The following JARID2 variants were observed in gnomAD, a reference collection of about 807,000 sequenced individuals.
The protein encoded by JARID2 is protein Jumonji.
Under a neutral mutation model 125.6 loss-of-function variants are expected in JARID2, and 21 were observed. That is an observed-to-expected ratio of 0.17 (90% CI 0.12 to 0.24). The LOEUF is 0.24. JARID2 is among the 10% of genes least tolerant of loss of function. JARID2 has a pLI of 1.00. For missense variants in JARID2, 1,303 were observed against 1,639.6 expected, an observed-to-expected ratio of 0.79 and a Z score of 3.55; for synonymous variants, 736 against 661.6, an observed-to-expected ratio of 1.11 and a Z score of -1.73.
intron 6 of JARID2, among the ~76,000 whole-genome samples, chr6:15,489,827 GGT>G (rs1175168218): frequency 6.6e-6 from 1 of 152,184 alleles, no homozygotes; most frequent in Non-Finnish European, 1.5e-5. Flanking sequence ...GCATCCTGCA[GGT>G]GTTGACGGGG....
intron 1 of JARID2, chr6:15,315,174 G>A (rs952403122): frequency 1.3e-5 from 2 of 152,204 alleles, no homozygotes; most frequent in African/African-American, 2.4e-5. Context: ...AAAAGGAAAC[G>A]GAAGAGCAAC....
intron 1 of JARID2, among the ~76,000 whole-genome samples, chr6:15,274,019 C>T (rs1760399677): frequency 6.6e-6 from 1 of 151,974 alleles, no homozygotes; most frequent in Non-Finnish European, 1.5e-5. Flanking sequence ...GCCTCTGCCT[C>T]CCGGGTTCAA....
At chr6:15,332,230 C>G (rs1762734079) in intron 1 of JARID2, among the ~76,000 whole-genome samples, 1 of 152,180 alleles carries the variant, frequency 6.6e-6, no homozygotes. Flanking sequence ...CAGGGCATGT[C>G]AAATGGTTCT....
At position 15,501,180 on chromosome 6, in the gene JARID2, A is replaced by G; in HGVS notation, c.2219A>G (p.His740Arg). Residue 740 changes from histidine to arginine, a missense_variant, in exon 8 of 18, where the codon CAC becomes CGC. Physicochemically the swap from His to Arg is conservative, Grantham distance 29. Coordinates refer to ENST00000341776, the MANE Select transcript of JARID2 (RefSeq NM_004973.4). ...AAGCGCAAGGGGCCGCTGGAAGGCC[A>G]CACAGAGAACGACCACCACAAGTTC... is the stretch of plus-strand genomic sequence containing the variant. ...LEKRKGPLEG[H>R]TENDHHKFHP... The G allele has an allele frequency of 2.5e-6, 4 of 1,614,128 alleles. No homozygotes were observed. Among genetic ancestry groups the G allele is most frequent in the South Asian group, 1.1e-5 (1 of 91,084 alleles).
At chr6:15,438,821 G>T (rs748392107) in intron 3 of JARID2, among the ~76,000 whole-genome samples, 2 of 152,172 alleles carry the variant, frequency 1.3e-5, no homozygotes, top group African/African-American at 4.8e-5. Context: ...CTGAGGTCAG[G>T]AGTAAGAGAC....
intron 6 of JARID2, among the ~76,000 whole-genome samples, chr6:15,495,319 G>A (rs1236873038): frequency 3.3e-5 from 5 of 152,186 alleles, no homozygotes; most frequent in Non-Finnish European, 7.3e-5. Context: ...GAACCTGATG[G>A]GAAAGTTTGT....
chr6:15,430,332 C>T (rs1200543252), intron 3 of JARID2, among the ~76,000 whole-genome samples: 3 of 152,118 alleles, frequency 2.0e-5, no homozygotes, highest in Non-Finnish European at 4.4e-5. Flanking sequence ...CAAGTATGTA[C>T]AATTGACCTC....
chr6:15,433,444 GTGTGTGTA>G (rs1185716688), intron 3 of JARID2, among the ~76,000 whole-genome samples: 24 of 141,558 alleles, frequency 1.7e-4, no homozygotes, highest in African/African-American at 4.3e-4. Context: ...GTGTGTGTGT[GTGTGTGTA>G]TAATTTCAGT....
chr6:15,308,458 A>C (rs956559769), intron 1 of JARID2, among the ~76,000 whole-genome samples: 2 of 152,162 alleles, frequency 1.3e-5, no homozygotes, highest in Non-Finnish European at 2.9e-5. Context: ...CAGAAGCCTA[A>C]ATGTAATGCT....
chr6:15,374,731 T>G (rs2072819), intron 2 of JARID2, among the ~76,000 whole-genome samples: 1 of 151,994 alleles, frequency 6.6e-6, no homozygotes, highest in Non-Finnish European at 1.5e-5. Flanking sequence ...AGAAGTGTGC[T>G]TCTTCCTGGA....
intron 1 of JARID2, among the ~76,000 whole-genome samples, chr6:15,343,184 G>C (rs1030269962): frequency 7.2e-6 from 1 of 139,226 alleles, no homozygotes; most frequent in Non-Finnish European, 1.5e-5. Context: ...AGCCGAGATC[G>C]TGCCATTGCA....
chr6:15,368,639 A>T, intron 1 of JARID2: 1 of 462,918 alleles, frequency 2.2e-6, no homozygotes, highest in Admixed American at 2.3e-5. Context: ...GGAATGATTA[A>T]AGGAACTAGC....
chr6:15,508,209 C>G (rs776524374), intron 11 of JARID2, 131 bp from the exon 12 acceptor site: 2 of 636,012 alleles, frequency 3.1e-6, no homozygotes, highest in Non-Finnish European at 5.8e-6. Context: ...TGCTCACTGT[C>G]TTTTGTCTGG....
At chr6:15,484,927 A>T (rs1769795634) in intron 5 of JARID2, among the ~76,000 whole-genome samples, 1 of 152,232 alleles carries the variant, frequency 6.6e-6, no homozygotes. Context: ...TGAACAGTCA[A>T]GAATTGCCTA....
chr6:15,386,326 G>C (rs1244137110), intron 2 of JARID2, among the ~76,000 whole-genome samples: 38 of 149,626 alleles, frequency 2.5e-4, no homozygotes, highest in Non-Finnish European at 1.0e-4. Flanking sequence ...GTGTGTATGT[G>C]TGTGTTTAAA....
intron 1 of JARID2, among the ~76,000 whole-genome samples, chr6:15,261,308 CTTCTTTTTTTTT>C (rs1379083563): frequency 4.2e-5 from 5 of 119,014 alleles, no homozygotes; most frequent in South Asian, 2.8e-4. Context: ...TTTTCTTCTT[CTTCTTTTTTTTT>C]TTTTTTTTTT....
rs550286795 is a variant in JARID2, at chr6:15,392,963, G to A, written c.182-17261G>A. On this transcript the variant is annotated intron_variant, in intron 2 of 17. Coordinates refer to ENST00000341776, the MANE Select transcript of JARID2 (RefSeq NM_004973.4). The stretch of plus-strand genomic sequence containing the variant: ...GCCTCCCAAAGTGCTGGGATTGTAG[G>A]CGTGAGCCACCATGCCTGGCCAAGA... 2.0e-5 allele frequency among the ~76,000 whole-genome samples: 3 copies of A among 152,256 alleles called. No individual in the cohort carries two copies. In the South Asian group the frequency reaches 6.2e-4, roughly 32 times the overall value.
intron 1 of JARID2, among the ~76,000 whole-genome samples, chr6:15,271,857 G>T (rs545059144): frequency 5.9e-5 from 9 of 152,266 alleles, no homozygotes; most frequent in African/African-American, 2.2e-4. Context: ...AAAAGTAGCT[G>T]GGCGTGGTGG....
chr6:15,289,551 T>TTA (rs764766860), intron 1 of JARID2, among the ~76,000 whole-genome samples: 3 of 144,858 alleles, frequency 2.1e-5, no homozygotes, highest in Non-Finnish European at 4.6e-5. Flanking sequence ...CTTTAAATTG[T>TTA]AAAAAAAAAA....
Sources: allele counts gnomAD v4.1 joint callset (sites outside exome capture counted in the v4.1 genomes callset), GRCh38; gene constraint gnomAD v4.1.1; transcripts MANE v1.5; gene names NCBI Gene and HGNC (gene_info 2026-07-23, HGNC 2026-07-21).